KCNMA1: variants seen among roughly 807,000 people sequenced by gnomAD.
KCNMA1 encodes Calcium-activated potassium channel subunit alpha-1.
Under a neutral mutation model 140.0 loss-of-function variants are expected in KCNMA1, and 29 were observed. The ratio of observed to expected loss-of-function variants is 0.21; its 90% CI spans 0.15 to 0.28. KCNMA1 has a LOEUF of 0.28. Ranked by LOEUF, KCNMA1 falls within the 10% of genes least tolerant of loss-of-function variation. The pLI is 1.00. For synonymous variants in KCNMA1, 612 were observed against 611.9 expected, an observed-to-expected ratio of 1.00 and a Z score of 0.00; for missense variants, 880 against 1,602.2, an observed-to-expected ratio of 0.55 and a Z score of 7.70.
chr10:77,012,519 C>T, intron 17 of KCNMA1: 1 of 1,550,228 alleles, frequency 6.5e-7, no homozygotes, highest in Non-Finnish European at 8.7e-7. Flanking sequence ...CTGAAAGCAC[C>T]TTTTCTGGGC....
chr10:77,238,149 T>C (rs2056183010), intron 3 of KCNMA1, among the ~76,000 whole-genome samples: 1 of 152,222 alleles, frequency 6.6e-6, no homozygotes. Context: ...TTCTGTTTTC[T>C]GTCAAACTGG....
At chr10:76,908,157 T>G (rs1190520644) in intron 25 of KCNMA1, among the ~76,000 whole-genome samples, 1 of 152,224 alleles carries the variant, frequency 6.6e-6, no homozygotes, top group Non-Finnish European at 1.5e-5. Context: ...GAAACTGGAT[T>G]TGCAGAATAT....
intron 2 of KCNMA1, among the ~76,000 whole-genome samples, chr10:77,289,601 T>C (rs1340703239): frequency 1.3e-5 from 2 of 152,208 alleles, no homozygotes; most frequent in African/African-American, 4.8e-5. Flanking sequence ...CCATAAAGGA[T>C]GTATATTTGC....
chr10:76,990,714 C>G (rs987771750), intron 19 of KCNMA1, among the ~76,000 whole-genome samples: 1 of 152,204 alleles, frequency 6.6e-6, no homozygotes, highest in South Asian at 2.1e-4. Context: ...TTTGAAGCAT[C>G]CCTGCTGGAT....
Position 77,248,544 on chromosome 10 carries a change from A to T in KCNMA1, c.602+2651T>A, listed in dbSNP as rs112058709. On this transcript the variant is annotated intron_variant, in intron 3 of 27. Transcript: ENST00000286628. Reference sequence around the variant, plus strand: ...TGCTTTTTTTCCAGGGTGATGATTTAGTATAACTTCCACGAGAAGTTTAAA... The same window carrying T: ...TGCTTTTTTTCCAGGGTGATGATTTTGTATAACTTCCACGAGAAGTTTAAA... Among the ~76,000 whole-genome samples the T allele has an allele frequency of 6.6e-4, 100 of 152,306 alleles. 1 individual carries two copies. Among genetic ancestry groups the T allele is most frequent in the African/African-American group, 2.3e-3 (95 of 41,574 alleles).
chr10:76,975,920 C>T (rs2077363567), intron 19 of KCNMA1, among the ~76,000 whole-genome samples: 1 of 152,114 alleles, frequency 6.6e-6, no homozygotes, highest in Admixed American at 6.5e-5. Flanking sequence ...CATTAATCCA[C>T]AGATTAGGAA....
At chr10:77,361,451 G>A (rs146544494) in intron 2 of KCNMA1, among the ~76,000 whole-genome samples, 3 of 152,348 alleles carry the variant, frequency 2.0e-5, no homozygotes, top group Non-Finnish European at 4.4e-5. Flanking sequence ...CTGGCCTGGG[G>A]TCTCATCATC....
intron 1 of KCNMA1, among the ~76,000 whole-genome samples, chr10:77,593,990 T>C (rs1021256788): frequency 2.2e-4 from 33 of 152,196 alleles, no homozygotes; most frequent in African/African-American, 8.0e-4. Context: ...TTTGTCTCCC[T>C]GCAGCTCAAA....
chr10:77,311,633 C>A (rs760815299), intron 2 of KCNMA1, among the ~76,000 whole-genome samples: 3 of 152,162 alleles, frequency 2.0e-5, no homozygotes, highest in Non-Finnish European at 4.4e-5. Flanking sequence ...AGAGAGAGAG[C>A]AAGCGAGCTG....
intron 20 of KCNMA1, among the ~76,000 whole-genome samples, chr10:76,962,292 A>G (rs1038012220): frequency 1.3e-5 from 2 of 152,218 alleles, no homozygotes; most frequent in African/African-American, 2.4e-5. Context: ...TGAAAAAGGA[A>G]AGTTACAAAA....
intron 1 of KCNMA1, among the ~76,000 whole-genome samples, chr10:77,600,547 G>A (rs2082281660): frequency 1.3e-5 from 2 of 152,180 alleles, no homozygotes; most frequent in African/African-American, 4.8e-5. Context: ...TCGGCAGTTT[G>A]AGACCAGCCT....
Position 77,637,541 on chromosome 10 carries a change from G to C in KCNMA1, c.102C>G (p.Leu34=), listed in dbSNP as rs777315438. The change falls in exon 1 of 28, where the codon CTC becomes CTG. Residue 34 remains leucine, a synonymous_variant. Coordinates refer to ENST00000286628, the MANE Select transcript of KCNMA1 (RefSeq NM_001161352.2). ...RMSSNIHANH[L]SLDASSSSSS... ...AGGAGGAGGAGGACGCGTCTAGGCT[G>C]AGATGGTTCGCGTGGATATTGCTAC... 3.9e-6 allele frequency: 6 copies of C among 1,547,488 alleles called. No homozygotes were observed. The highest frequency in any genetic ancestry group is 4.4e-6 in the Non-Finnish European group (5 of 1,142,990).
At position 76,953,918 on chromosome 10, in the gene KCNMA1, G is replaced by T. The variant is rs587780363; in HGVS notation, c.2367C>A (p.Asp789Glu). The change falls in exon 21 of 28, where the codon GAC becomes GAA. Residue 789 changes from aspartate (D) to glutamate (E), a missense_variant. This residue lies in a region of KCNMA1 where 196 missense variants were observed against 233.0 expected (regional missense o/e 0.84). Transcript: ENST00000286628. ...GATCATTGCCAGGAATTAACAAGGG[G>T]TCATGCCTGGGAAGAAAAGGACAGG... ...PNTSPKLMRH[D>E]PLLIPGNDQI... 20 of 1,613,952 alleles carry T rather than the reference G, an allele frequency of 1.2e-5. No homozygotes were observed. The highest frequency in any genetic ancestry group is 1.7e-5 in the Admixed American group (1 of 59,998).
intron 2 of KCNMA1, among the ~76,000 whole-genome samples, chr10:77,322,580 G>A (rs2082676716): frequency 6.6e-6 from 1 of 152,188 alleles, no homozygotes; most frequent in African/African-American, 2.4e-5. Context: ...GTGGACTGGA[G>A]GTGGGTCACA....
At chr10:77,483,768 C>G (rs540661880) in intron 1 of KCNMA1, among the ~76,000 whole-genome samples, 62 of 152,212 alleles carry the variant, frequency 4.1e-4, no homozygotes, top group Non-Finnish European at 2.5e-4. Context: ...CACACTGGAA[C>G]CATTCATGCT....
At chr10:77,384,035 T>C (rs1439491713) in intron 2 of KCNMA1, among the ~76,000 whole-genome samples, 1 of 152,248 alleles carries the variant, frequency 6.6e-6, no homozygotes, top group Non-Finnish European at 1.5e-5. Context: ...TCTGGGGCAG[T>C]TTGCGATTCA....
intron 2 of KCNMA1, among the ~76,000 whole-genome samples, chr10:77,381,023 C>A (rs905255991): frequency 2.0e-5 from 3 of 152,182 alleles, no homozygotes; most frequent in African/African-American, 7.2e-5. Flanking sequence ...GTGGAAATGG[C>A]TTTTCTATTT....
intron 1 of KCNMA1, among the ~76,000 whole-genome samples, chr10:77,476,946 C>T (rs759819270): frequency 1.3e-5 from 2 of 152,204 alleles, no homozygotes; most frequent in African/African-American, 4.8e-5. Context: ...TAAGACACGA[C>T]CCTACCCTCC....
At chr10:77,546,045 T>C (rs900157017) in intron 1 of KCNMA1, among the ~76,000 whole-genome samples, 2 of 152,176 alleles carry the variant, frequency 1.3e-5, no homozygotes, top group Non-Finnish European at 2.9e-5. Flanking sequence ...GGCCCAGGCC[T>C]GGCTGTCCCT....
Sources: allele counts gnomAD v4.1 joint callset (sites outside exome capture counted in the v4.1 genomes callset), GRCh38; gene constraint gnomAD v4.1.1; regional missense constraint gnomAD v4.1.1; transcripts MANE v1.5; gene names NCBI Gene and HGNC (gene_info 2026-07-23, HGNC 2026-07-21).